Variants in PPFIA4 observed in about 807,000 individuals in gnomAD.
PPFIA4 encodes the protein liprin-alpha-4.
Under a neutral mutation model 145.7 loss-of-function variants are expected in PPFIA4, and 98 were observed. That is an observed-to-expected ratio of 0.67 (90% CI 0.57 to 0.80). The LOEUF (loss-of-function observed/expected upper bound fraction) is 0.80, where lower values mean the gene tolerates loss of function less well. Ranked by LOEUF, PPFIA4 falls within the 30% of genes least tolerant of loss-of-function variation. PPFIA4 has a pLI of 0.00. For missense variants in PPFIA4, 1,457 were observed against 1,632.7 expected (o/e 0.89, Z 1.85); for synonymous variants, 628 against 649.6 (o/e 0.97, Z 0.51).
chr1:203,057,038 C>T (rs1358291938), intron 19 of PPFIA4, 88 bp downstream of exon 19: 9 of 1,568,174 alleles, frequency 5.7e-6, no homozygotes, highest in East Asian at 4.5e-5. Flanking sequence ...TCTCTGCCTG[C>T]GTCCCAGGGA....
chr1:203,044,192 G>A (rs917177443), intron 4 of PPFIA4, 97 bp downstream of exon 4: 10 of 1,353,692 alleles, frequency 7.4e-6, no homozygotes, highest in South Asian at 1.4e-5. Flanking sequence ...TATTTAGGGA[G>A]CACTGGCTCC....
At chr1:203,052,799 C>T (rs1430383306) in intron 14 of PPFIA4, among the ~76,000 whole-genome samples, 7 of 152,110 alleles carry the variant, frequency 4.6e-5, no homozygotes, top group Non-Finnish European at 1.0e-4. Flanking sequence ...GGCCTTTGTC[C>T]GCTGGATAGG....
intron 13 of PPFIA4, among the ~76,000 whole-genome samples, chr1:203,050,338 A>G (rs1036090139): frequency 6.6e-6 from 1 of 152,186 alleles, no homozygotes; most frequent in Non-Finnish European, 1.5e-5. Context: ...ATGTTTAGGG[A>G]ACCTCGGGAT....
intron 19 of PPFIA4, among the ~76,000 whole-genome samples, chr1:203,057,973 G>C (rs905538825): frequency 6.6e-6 from 1 of 152,144 alleles, no homozygotes; most frequent in Non-Finnish European, 1.5e-5. Context: ...GAAGGAGGAG[G>C]GTGGGCGGAG....
chr1:203,050,938 T>C (rs1256848240), intron 13 of PPFIA4, among the ~76,000 whole-genome samples: 1 of 151,952 alleles, frequency 6.6e-6, no homozygotes, highest in African/African-American at 2.4e-5. Context: ...ATCATTGGAT[T>C]CATCGTGGAA....
chr1:203,052,052 C>CCCG (rs1553257078), intron 14 of PPFIA4, among the ~76,000 whole-genome samples, 175 bp downstream of exon 14: 9 of 140,152 alleles, frequency 6.4e-5, no homozygotes, highest in African/African-American at 2.4e-4. Flanking sequence ...TGTGCCCCCC[C>CCCG]CCCCGCTTGC....
At chr1:203,074,240 TACAC>T (rs1019262426) in intron 28 of PPFIA4, among the ~76,000 whole-genome samples, 1 of 152,272 alleles carries the variant, frequency 6.6e-6, no homozygotes, top group Admixed American at 6.5e-5. Flanking sequence ...AGAATGTACT[TACAC>T]AAACCTAGGG....
chr1:203,063,965 C>T lies in PPFIA4; in HGVS notation c.3012C>T (p.Asp1004=). 1 of 1,613,912 alleles carries T rather than the reference C, an allele frequency of 6.2e-7. No individual in the cohort carries two copies. Among genetic ancestry groups the T allele is most frequent in the Non-Finnish European group, 8.5e-7 (1 of 1,179,902 alleles). ...TGCTGGACCACCTCACCAAGAAGGACCTGCGGGTCCACCTGAAGATGGTGG... is the reference window on the plus strand; with the variant it reads ...TGCTGGACCACCTCACCAAGAAGGATCTGCGGGTCCACCTGAAGATGGTGG... ...ARMLDHLTKK[D]LRVHLKMVDS... is the part of the protein sequence containing the mutation. Residue 1004 remains aspartate, a synonymous_variant, in exon 25 of 30, where the codon GAC becomes GAT. Coordinates refer to ENST00000295706, the MANE Select transcript of PPFIA4 (RefSeq NM_001304331.2).
Position 203,068,234 on chromosome 1 carries a change from C to T in PPFIA4, c.3149-219C>T, listed in dbSNP as rs1661868572. On this transcript the variant is annotated intron_variant, in intron 26 of 29. Transcript: ENST00000295706. This position sits in a 1 kb window ranked among gnomAD's most constrained non-coding sequence, Gnocchi z 4.7. ...GAGCCTGTTGGCCTGACCCCGGGTC[C>T]TGTAAACTGGCAGGGATGGAGTGAG... 6.6e-6 allele frequency among the ~76,000 whole-genome samples: 1 copy of T among 152,198 alleles called. No homozygotes were observed. Among genetic ancestry groups the T allele is most frequent in the African/African-American group, 2.4e-5 (1 of 41,442 alleles).
In PPFIA4 at chr1:203,053,893, C is replaced by A; in HGVS notation, c.1761C>A (p.Gly587=). Residue 587 remains glycine, a synonymous_variant, in exon 15 of 30, where the codon GGC becomes GGA. Transcript: ENST00000295706. ...CTGCGGATGTTGTCTCCCCCAGCGG[C>A]CACTCAGATGCCCAGACCCTGGCCA... is the stretch of plus-strand genomic sequence containing the variant. ...VGSADVVSPS[G]HSDAQTLAMM... 2 of 1,564,932 alleles carry A rather than the reference C, an allele frequency of 1.3e-6. No homozygotes were observed. Among genetic ancestry groups the A allele is most frequent in the East Asian group, 2.4e-5 (1 of 41,950 alleles).
chr1:203,052,054 C>CCG (rs1553257088), intron 14 of PPFIA4, among the ~76,000 whole-genome samples, 177 bp downstream of exon 14: 2 of 104,122 alleles, frequency 1.9e-5, no homozygotes, highest in South Asian at 5.5e-4. Flanking sequence ...TGCCCCCCCC[C>CCG]CCGCTTGCCT....
rs762263697 is a variant in PPFIA4 at position 203,043,992 on chromosome 1, T to C, written c.398T>C (p.Val133Ala). 3 of 1,612,346 alleles carry C rather than the reference T, an allele frequency of 1.9e-6. No homozygotes were observed. The highest frequency in any genetic ancestry group is 3.3e-5 in the Admixed American group (2 of 59,950). ...CATGAACGGTCACTGCGGATGACTG[T>C]GGTGAAGCGCCAGGCCCAGTCACCT... ...SRHERSLRMT[V>A]VKRQAQSPSG... The change falls in exon 4 of 30, where the codon GTG (valine) becomes GCG (alanine). Residue 133 changes from valine (V) to alanine (A), a missense_variant. Physicochemically the swap from Val to Ala is moderately conservative, Grantham distance 64 (BLOSUM62 0). Transcript: ENST00000295706. This position sits in a 1 kb window ranked among gnomAD's most constrained non-coding sequence, Gnocchi z 4.4.
Position 203,060,623 on chromosome 1 carries a change from C to T in PPFIA4, c.2784+206C>T, listed in dbSNP as rs943679557. Among the ~76,000 whole-genome samples, 5 of 152,212 alleles carry T rather than the reference C, an allele frequency of 3.3e-5. No homozygotes were observed. The highest frequency in any genetic ancestry group is 1.2e-4 in the African/African-American group (5 of 41,440). On this transcript the variant is annotated intron_variant, in intron 22 of 29. Transcript: ENST00000295706. This position sits in a 1 kb window ranked among gnomAD's most constrained non-coding sequence, Gnocchi z 4.8. ...GCCTTGGTTCCCTGCCTTTCACATA[C>T]CACCCATGGGGCTCCATCTCCCCAT...
At chr1:203,056,549 G>A in intron 18 of PPFIA4, 41 bp downstream of exon 18, 30 of 1,601,342 alleles carry the variant, frequency 1.9e-5, no homozygotes, top group Non-Finnish European at 2.5e-5. Context: ...TCCATCCACA[G>A]GGTCCTCTCC....
At position 203,046,002 on chromosome 1, in the gene PPFIA4, TG is replaced by T; in HGVS notation, c.1005+19del. ...TGCACCGCCAGGTACCTCCTCAGGG[TG>T]GGGTGGGGATGGGCATTGTACTTAG... On this transcript the variant is annotated intron_variant, in intron 8 of 29. Transcript: ENST00000295706. 6.2e-7 allele frequency: 1 copy of T among 1,611,294 alleles called. No individual in the cohort carries two copies. Among genetic ancestry groups the T allele is most frequent in the Non-Finnish European group, 8.5e-7 (1 of 1,179,532 alleles).
rs974943071 is a variant in PPFIA4, at chr1:203,063,767, C to A, written c.2875-61C>A. ...TGTGTCTCCCGACCAGCTATACCAG[C>A]CTCAGCCTGCTGGCTCTACCTTCCT... On this transcript the variant is annotated intron_variant, in intron 24 of 29. Transcript: ENST00000295706. 9.5e-6 allele frequency: 15 copies of A among 1,575,908 alleles called. No individual in the cohort carries two copies. In the African/African-American group the frequency reaches 2.0e-4, roughly 21 times the overall value.
chr1:203,068,635 A>G lies in PPFIA4; in HGVS notation c.3324+7A>G. 2 of 1,506,824 alleles carry G rather than the reference A, an allele frequency of 1.3e-6. No homozygotes were observed. The highest frequency in any genetic ancestry group is 1.8e-6 in the Non-Finnish European group (2 of 1,130,264). 93.3% of individuals were successfully genotyped at this position (1,506,824 alleles called of 1,614,324 possible). On this transcript the variant is annotated splice_region_variant and intron_variant, in intron 27 of 29. Transcript: ENST00000295706. The surrounding 1 kb of genome is among the most constrained non-coding windows in gnomAD (Gnocchi z 4.7). ...CCCCACACAGAACACCCAGGTGGGC[A>G]GCCTTTTAATCAGTCAACTTGAGTC... is the stretch of plus-strand genomic sequence containing the variant.
intron 13 of PPFIA4, among the ~76,000 whole-genome samples, chr1:203,050,735 A>G (rs1294561155): frequency 1.3e-5 from 2 of 152,176 alleles, no homozygotes; most frequent in South Asian, 4.1e-4. Flanking sequence ...GAATTATTGT[A>G]TATGGGTATG....
rs780463396 is a variant in PPFIA4 at position 203,055,585 on chromosome 1, G to A, written c.1983G>A (p.Ala661=). 14 of 1,613,886 alleles carry A rather than the reference G, an allele frequency of 8.7e-6. No individual in the cohort carries two copies. The highest frequency in any genetic ancestry group is 1.3e-5 in the African/African-American group (1 of 74,916). The part of the protein sequence containing the change: ...TSLTALSLAS[A]SPPLSGRSTP... The stretch of plus-strand genomic sequence containing the variant: ...TGACGGCCCTGTCCCTGGCCAGCGC[G>A]TCCCCACCACTCAGCGGCCGCTCCA... Residue 661 remains alanine, a synonymous_variant, in exon 16 of 30, where the codon GCG becomes GCA. Transcript: ENST00000295706. This position sits in a 1 kb window ranked among gnomAD's most constrained non-coding sequence, Gnocchi z 4.8.
Sources: gnomAD v4.1 joint callset for allele counts (sites outside exome capture counted in the v4.1 genomes callset) on GRCh38, gnomAD v4.1.1 for gene constraint, Gnocchi (gnomAD v3.1) non-coding constraint, MANE v1.5 for transcripts, NCBI Gene and HGNC (gene_info 2026-07-23, HGNC 2026-07-21) for gene names.